The following PKP2 variants were observed in gnomAD, a reference collection of about 807,000 sequenced individuals.
The protein encoded by PKP2 is plakophilin 2, also known as plakophilin-2.
PKP2 carries 73 observed loss-of-function variants against 83.4 expected under a neutral mutation model. The observed-to-expected ratio is 0.88, with a 90% CI of 0.72 to 1.06. PKP2 has a LOEUF of 1.06. Among genes scored for constraint, PKP2 ranks in the 50% least tolerant of loss-of-function variants. The pLI is 0.00. For synonymous variants in PKP2, 409 were observed against 430.4 expected (o/e 0.95, Z 0.62); for missense variants, 966 against 1,065.4 (o/e 0.91, Z 1.30).
At chr12:32,892,202 G>A (rs1957079971) in intron 1 of PKP2, among the ~76,000 whole-genome samples, 1 of 151,876 alleles carries the variant, frequency 6.6e-6, no homozygotes, top group South Asian at 2.1e-4. Flanking sequence ...TTTGTCAAAG[G>A]AAGAATTTAT....
At chr12:32,858,134 T>TTATA (rs1189818316) in intron 4 of PKP2, among the ~76,000 whole-genome samples, 207 of 93,776 alleles carry the variant, frequency 2.2e-3, no homozygotes, top group African/African-American at 8.5e-3. Flanking sequence ...TATTTTATAT[T>TTATA]TATATATATA....
At chr12:32,823,231 T>C (rs1443364708) in intron 7 of PKP2, among the ~76,000 whole-genome samples, 2 of 152,164 alleles carry the variant, frequency 1.3e-5, no homozygotes, top group African/African-American at 2.4e-5. Context: ...CTGGCCAACA[T>C]GGCAAAACCC....
intron 1 of PKP2, among the ~76,000 whole-genome samples, chr12:32,887,296 T>C (rs1171756522): frequency 6.6e-6 from 1 of 152,190 alleles, no homozygotes; most frequent in East Asian, 1.9e-4. Context: ...CCATTGCTGT[T>C]ATCACTCACA....
chr12:32,873,805 C>T (rs143940677), intron 3 of PKP2, among the ~76,000 whole-genome samples: 120 of 152,332 alleles, frequency 7.9e-4, no homozygotes, highest in African/African-American at 2.7e-3. Context: ...GCTGGGATTA[C>T]AGGCGTGAGC....
At chr12:32,807,581 T>C (rs1401976164) in intron 9 of PKP2, among the ~76,000 whole-genome samples, 1 of 152,202 alleles carries the variant, frequency 6.6e-6, no homozygotes, top group Non-Finnish European at 1.5e-5. Flanking sequence ...TGATGCTAAC[T>C]GGTTATTTTG....
intron 10 of PKP2, 28 bp from the exon 11 acceptor site, chr12:32,796,326 C>T (rs1457232804): frequency 2.0e-6 from 3 of 1,535,100 alleles, no homozygotes; most frequent in South Asian, 1.1e-5. Flanking sequence ...AAACAAAACA[C>T]TTGATTAAAA....
At chr12:32,812,985 C>T (rs566591301) in intron 9 of PKP2, among the ~76,000 whole-genome samples, 2 of 152,238 alleles carry the variant, frequency 1.3e-5, no homozygotes, top group East Asian at 3.9e-4. Flanking sequence ...CACAGTCGGT[C>T]TGAAGAAGAG....
intron 8 of PKP2, 54 bp from the exon 9 acceptor site, chr12:32,821,583 A>C (rs1030375850): frequency 3.2e-6 from 5 of 1,552,314 alleles, no homozygotes; most frequent in Middle Eastern, 1.7e-4. Flanking sequence ...GATGGCTATA[A>C]TTTCACACTC....
At position 32,879,050 on chromosome 12, in the gene PKP2, T is replaced by C. The variant is rs370733920; in HGVS notation, c.224-18A>G. The C allele has an allele frequency of 2.0e-5, 24 of 1,222,762 alleles. No individual in the cohort carries two copies. The African/African-American group carries it at 2.4e-4, about 12-fold the overall frequency. 75.7% of individuals were successfully genotyped at this position (1,222,762 alleles called of 1,614,324 possible). On this transcript the variant is annotated intron_variant, in intron 1 of 12. Coordinates refer to ENST00000340811, the MANE Select transcript of PKP2 (RefSeq NM_001005242.3). ...AAGATTTCCTGCAATCAAGCAAATA[T>C]TAAAATAACTCAGAATACAAGTAGG...
At chr12:32,801,350 C>T (rs554136424) in intron 10 of PKP2, among the ~76,000 whole-genome samples, 1 of 150,496 alleles carries the variant, frequency 6.6e-6, no homozygotes, top group African/African-American at 2.5e-5. Flanking sequence ...TAATACACTG[C>T]CATTGAAGTT....
chr12:32,822,607 G>C lies in PKP2; in HGVS notation c.1699C>G (p.Leu567Val), dbSNP rs1956392593. 1.2e-6 allele frequency: 2 copies of C among 1,614,002 alleles called. No homozygotes were observed. The highest frequency in any genetic ancestry group is 1.3e-5 in the African/African-American group (1 of 74,918). The change falls in exon 8 of 13, where the codon CTT becomes GTT. Residue 567 changes from leucine to valine, a missense_variant. By Grantham distance (32) the Leu-to-Val change is conservative (BLOSUM62 1). Coordinates refer to ENST00000340811, the MANE Select transcript of PKP2 (RefSeq NM_001005242.3). ...DKATENCVCI[L>V]HNLSYQLEAE... ...TCCAGCTGGTAGGAGAGGTTATGAA[G>C]AATGCACACACAATTCTCCGTGGCC...
At chr12:32,807,294 T>C (rs1273361235) in intron 9 of PKP2, among the ~76,000 whole-genome samples, 1 of 152,220 alleles carries the variant, frequency 6.6e-6, no homozygotes, top group Non-Finnish European at 1.5e-5. Flanking sequence ...CCCTTCTTTG[T>C]CTTTTTTTGA....
chr12:32,895,746 G>A (rs1030587058), intron 1 of PKP2, among the ~76,000 whole-genome samples: 1 of 152,198 alleles, frequency 6.6e-6, no homozygotes, highest in Non-Finnish European at 1.5e-5. Flanking sequence ...AACATAGTGT[G>A]CATGTGTGTG....
At chr12:32,797,558 A>ATTTTTTTTT (rs770545212) in intron 10 of PKP2, among the ~76,000 whole-genome samples, 5 of 130,998 alleles carry the variant, frequency 3.8e-5, no homozygotes, top group East Asian at 3.6e-4. Context: ...GTGAACTAAA[A>ATTTTTTTTT]TCTTTTTTTT....
intron 11 of PKP2, among the ~76,000 whole-genome samples, chr12:32,793,842 G>A (rs1956096815): frequency 6.6e-6 from 1 of 151,926 alleles, no homozygotes; most frequent in South Asian, 2.1e-4. Flanking sequence ...TGATCCGCCT[G>A]CCTCGGCCTC....
intron 3 of PKP2, among the ~76,000 whole-genome samples, chr12:32,872,865 A>C (rs1022068166): frequency 6.6e-6 from 1 of 152,196 alleles, no homozygotes; most frequent in African/African-American, 2.4e-5. Flanking sequence ...GAGGCAAAAA[A>C]GCCTTGAACT....
At position 32,796,162 on chromosome 12, in the gene PKP2, G is replaced by A; in HGVS notation, c.2304C>T (p.Asp768=). ...IIQNSYQNAR[D]LLNTGGIQKI... ...TCTGGATGCCCCCGGTGTTTAGAAGGTCGCGTGCATTCTGGTAACTGTTTT... is the reference window on the plus strand; with the variant it reads ...TCTGGATGCCCCCGGTGTTTAGAAGATCGCGTGCATTCTGGTAACTGTTTT... Residue 768 remains aspartate (D), a synonymous_variant, in exon 11 of 13, where the codon GAC becomes GAT. Coordinates refer to ENST00000340811, the MANE Select transcript of PKP2 (RefSeq NM_001005242.3). The A allele has an allele frequency of 6.2e-7, 1 of 1,614,138 alleles. No homozygotes were observed. The highest frequency in any genetic ancestry group is 1.1e-5 in the South Asian group (1 of 91,082).
At chr12:32,805,428 T>C (rs1025312146) in intron 9 of PKP2, among the ~76,000 whole-genome samples, 1 of 152,234 alleles carries the variant, frequency 6.6e-6, no homozygotes, top group African/African-American at 2.4e-5. Flanking sequence ...AGGGTTTTTA[T>C]AGTTTTGGGT....
At chr12:32,821,670 G>C (rs1956380577) in intron 8 of PKP2, 141 bp from the exon 9 acceptor site, 4 of 733,258 alleles carry the variant, frequency 5.5e-6, no homozygotes, top group Non-Finnish European at 9.1e-6. Context: ...AATTTTAAAA[G>C]CAAATATATA....
Sources: gnomAD v4.1 joint callset for allele counts (sites outside exome capture counted in the v4.1 genomes callset) on GRCh38, gnomAD v4.1.1 for gene constraint, MANE v1.5 for transcripts, NCBI Gene and HGNC (gene_info 2026-07-23, HGNC 2026-07-21) for gene names.